The following BICD1 variants were observed in gnomAD, a reference collection of about 807,000 sequenced individuals.
BICD1 encodes the protein BICD cargo adaptor 1, also known as protein bicaudal D homolog 1.
BICD1 carries 35 observed loss-of-function variants against 92.5 expected under a neutral mutation model. That is an observed-to-expected ratio of 0.38 (90% CI 0.29 to 0.50). The LOEUF (loss-of-function observed/expected upper bound fraction) is 0.50, where lower values mean the gene tolerates loss of function less well. BICD1 is among the 20% of genes least tolerant of loss of function. The pLI is 0.93. For missense variants in BICD1, 950 were observed against 1,189.8 expected (o/e 0.80, Z 2.97); for synonymous variants, 429 against 465.1 (o/e 0.92, Z 1.00).
intron 9 of BICD1, among the ~76,000 whole-genome samples, chr12:32,376,685 T>A (rs1351768738): frequency 6.6e-6 from 1 of 151,778 alleles, no homozygotes; most frequent in Non-Finnish European, 1.5e-5. Context: ...CTGGCCAACA[T>A]AGCAAAACCC....
chr12:32,305,745 A>G lies in BICD1; in HGVS notation c.628A>G (p.Thr210Ala). Residue 210 changes from threonine (T) to alanine (A), a missense_variant, in exon 4 of 10, where the codon ACG (threonine) becomes GCG (alanine). Around this residue, in one of 5 missense-constraint regions of BICD1, gnomAD observed 246 missense variants for 258.4 expected, o/e 0.95. Coordinates refer to ENST00000652176, the MANE Select transcript of BICD1 (RefSeq NM_001714.4). ...KHEIKRFEEE[T>A]VLLNSQLEDA... Reference sequence around the variant, plus strand: ...TGAGATTAAGCGATTTGAGGAGGAGACGGTACTGCTGAACAGCCAGCTGGA... The same window carrying G: ...TGAGATTAAGCGATTTGAGGAGGAGGCGGTACTGCTGAACAGCCAGCTGGA... 6.2e-7 allele frequency: 1 copy of G among 1,614,096 alleles called. No homozygotes were observed. Among genetic ancestry groups the G allele is most frequent in the East Asian group, 2.2e-5 (1 of 44,884 alleles).
In BICD1 at chr12:32,135,773, G is replaced by A. The variant is rs1028524586; in HGVS notation, c.213+28229G>A. Among the ~76,000 whole-genome samples the A allele has an allele frequency of 2.0e-5, 3 of 152,166 alleles. No homozygotes were observed. The South Asian group carries it at 6.2e-4, about 32-fold the overall frequency. ...TCATCTGAGTTATCTCACTATCTCT[G>A]TTCTTCCCTCATTTACATCATCTGT... is the stretch of plus-strand genomic sequence containing the variant. On this transcript the variant is annotated intron_variant, in intron 1 of 9. Coordinates refer to ENST00000652176, the MANE Select transcript of BICD1 (RefSeq NM_001714.4).
chr12:32,182,772 T>C lies in BICD1; in HGVS notation c.214-33475T>C, dbSNP rs181482259. 7.3e-5 allele frequency among the ~76,000 whole-genome samples: 11 copies of C among 151,462 alleles called. No homozygotes were observed. The East Asian group carries it at 1.9e-3, about 27-fold the overall frequency. On this transcript the variant is annotated intron_variant, in intron 1 of 9. Transcript: ENST00000652176. Reference sequence around the variant, plus strand: ...TTTGAGAAAATCAAAGGGTTAGAAATAAAAGAAAATTAAAAGCATTGTTAC... The same window carrying C: ...TTTGAGAAAATCAAAGGGTTAGAAACAAAAGAAAATTAAAAGCATTGTTAC...
At chr12:32,151,439 C>T (rs1424218772) in intron 1 of BICD1, among the ~76,000 whole-genome samples, 1 of 152,212 alleles carries the variant, frequency 6.6e-6, no homozygotes, top group East Asian at 1.9e-4. Context: ...ACAGCTTTGG[C>T]TAAATCACTT....
chr12:32,273,912 A>C (rs1947207453), intron 2 of BICD1, among the ~76,000 whole-genome samples: 1 of 152,198 alleles, frequency 6.6e-6, no homozygotes, highest in African/African-American at 2.4e-5. Context: ...ACCACACAGG[A>C]ACTGAAGAGG....
intron 4 of BICD1, among the ~76,000 whole-genome samples, chr12:32,307,213 TC>T (rs1259600979): frequency 6.6e-6 from 1 of 152,106 alleles, no homozygotes; most frequent in Non-Finnish European, 1.5e-5. Context: ...GTAAAGGACT[TC>T]CTATGTACAA....
chr12:32,196,661 A>C (rs1944735650), intron 1 of BICD1, among the ~76,000 whole-genome samples: 2 of 152,216 alleles, frequency 1.3e-5, no homozygotes, highest in Admixed American at 1.3e-4. Context: ...AGAGTGTACA[A>C]ACTTTTAGTT....
chr12:32,325,536 CAA>C (rs1471862249), intron 4 of BICD1, among the ~76,000 whole-genome samples: 2 of 152,040 alleles, frequency 1.3e-5, no homozygotes, highest in Non-Finnish European at 2.9e-5. Flanking sequence ...AGAACCTCGC[CAA>C]GAGAGGACTA....
At chr12:32,148,521 G>T (rs1479665257) in intron 1 of BICD1, among the ~76,000 whole-genome samples, 1 of 152,012 alleles carries the variant, frequency 6.6e-6, no homozygotes, top group South Asian at 2.1e-4. Flanking sequence ...GAGCGTCCTC[G>T]AGCCTGAATG....
At chr12:32,289,336 A>AT (rs1259092193) in intron 2 of BICD1, among the ~76,000 whole-genome samples, 1 of 152,176 alleles carries the variant, frequency 6.6e-6, no homozygotes, top group East Asian at 1.9e-4. Flanking sequence ...AAATAAGAAA[A>AT]TTCTTTTTTG....
At position 32,322,338 on chromosome 12, in the gene BICD1, C is replaced by T. The variant is rs1291190237; in HGVS notation, c.1006-5123C>T. Among the ~76,000 whole-genome samples the T allele has an allele frequency of 2.6e-5, 4 of 152,138 alleles. No individual in the cohort carries two copies. In the East Asian group the frequency reaches 7.7e-4, roughly 29 times the overall value. Reference sequence around the variant, plus strand: ...AGTAGTACTGTATAGCAGCAGTCCCCAACTTTTTTTGGACCAGTGATCTGT... The same window carrying T: ...AGTAGTACTGTATAGCAGCAGTCCCTAACTTTTTTTGGACCAGTGATCTGT... On this transcript the variant is annotated intron_variant, in intron 4 of 9. Coordinates refer to ENST00000652176, the MANE Select transcript of BICD1 (RefSeq NM_001714.4).
intron 1 of BICD1, among the ~76,000 whole-genome samples, chr12:32,191,698 T>G (rs967755846): frequency 7.0e-6 from 1 of 143,742 alleles, no homozygotes; most frequent in Non-Finnish European, 1.5e-5. Flanking sequence ...AATACATATA[T>G]ATTATGATAT....
At chr12:32,142,453 C>CCTATCTATCTATCCTAT (rs772125865) in intron 1 of BICD1, among the ~76,000 whole-genome samples, 2,098 of 112,870 alleles carry the variant, frequency 0.019, 24 homozygotes, top group Non-Finnish European at 0.024. Flanking sequence ...ACCTATCTAT[C>CCTATCTATCTATCCTAT]CTATCTATCT....
chr12:32,272,450 T>G (rs1947166677), intron 2 of BICD1, among the ~76,000 whole-genome samples: 1 of 152,204 alleles, frequency 6.6e-6, no homozygotes, highest in Non-Finnish European at 1.5e-5. Context: ...CTGAAGACCT[T>G]TCTCTGGAGC....
intron 8 of BICD1, chr12:32,339,493 T>C (rs1476761907): frequency 3.0e-6 from 3 of 985,476 alleles, no homozygotes; most frequent in Non-Finnish European, 3.6e-6. Context: ...ATTTAGGTCT[T>C]AGTATAATGT....
At chr12:32,251,153 CA>C (rs1946511933) in intron 2 of BICD1, among the ~76,000 whole-genome samples, 1 of 152,084 alleles carries the variant, frequency 6.6e-6, no homozygotes, top group Admixed American at 6.6e-5. Context: ...TTTGCCATTA[CA>C]AAGGGAATTG....
intron 1 of BICD1, among the ~76,000 whole-genome samples, chr12:32,138,386 T>G (rs1054160159): frequency 6.6e-6 from 1 of 152,242 alleles, no homozygotes; most frequent in African/African-American, 2.4e-5. Flanking sequence ...CACCAAGCTG[T>G]GCATTTTTAG....
rs1467756255 is a variant in BICD1, at chr12:32,382,317, AAGAAG to A, written c.*4693_*4697del. 44 of 104,382 alleles carry A rather than the reference AAGAAG, an allele frequency of 4.2e-4. No individual in the cohort carries two copies. The highest frequency in any genetic ancestry group is 1.2e-3 in the African/African-American group (42 of 35,902). 6.5% of individuals were successfully genotyped at this position (104,382 alleles called of 1,614,324 possible). On this transcript the variant is annotated 3_prime_UTR_variant, in exon 10 of 10. Transcript: ENST00000652176. ...TTTCCAGAATATTCTACTTAAGAAG[AAGAAG>A]AGCAATTAACTGCCTTTAGTGTAAG...
intron 1 of BICD1, among the ~76,000 whole-genome samples, chr12:32,206,549 T>G (rs1945061212): frequency 1.3e-5 from 2 of 152,174 alleles, no homozygotes; most frequent in Non-Finnish European, 1.5e-5. Context: ...GAGGTTGCAG[T>G]GAGCCGAGAT....
Sources: allele counts gnomAD v4.1 joint callset (sites outside exome capture counted in the v4.1 genomes callset), GRCh38; gene constraint gnomAD v4.1.1; regional missense constraint gnomAD v4.1.1; transcripts MANE v1.5; gene names NCBI Gene and HGNC (gene_info 2026-07-23, HGNC 2026-07-21).